Variants in NBN observed in about 807,000 individuals in gnomAD.
NBN encodes the protein Nijmegen breakage syndrome 1 (nibrin).
In NBN, 88 loss-of-function variants were observed where a neutral mutation model predicts 90.8. That is an observed-to-expected ratio of 0.97 (90% confidence interval 0.82 to 1.16). The LOEUF (loss-of-function observed/expected upper bound fraction) is 1.16, where lower values mean the gene tolerates loss of function less well. Among genes scored for constraint, NBN ranks in the 50% most tolerant of loss-of-function variants. The pLI is 0.00. For synonymous variants in NBN, 328 were observed against 295.1 expected (o/e 1.11, Z -1.14); for missense variants, 894 against 869.6 (o/e 1.03, Z -0.35).
intron 5 of NBN, among the ~76,000 whole-genome samples, chr8:89,972,468 C>T (rs774475474): frequency 2.6e-5 from 4 of 152,046 alleles, no homozygotes; most frequent in African/African-American, 9.7e-5. Context: ...TCTAAACAAC[C>T]GACTTTAAAA....
At chr8:89,971,631 A>C (rs1169753841) in intron 5 of NBN, among the ~76,000 whole-genome samples, 1 of 152,232 alleles carries the variant, frequency 6.6e-6, no homozygotes, top group African/African-American at 2.4e-5. Flanking sequence ...TCATCCATAA[A>C]GATCAAATTC....
intron 8 of NBN, among the ~76,000 whole-genome samples, chr8:89,963,185 G>A (rs1811079438): frequency 7.1e-6 from 1 of 140,430 alleles, no homozygotes; most frequent in Non-Finnish European, 1.6e-5. Flanking sequence ...TGGTCATTAG[G>A]CCGTAATGGC....
At chr8:89,975,997 A>C (rs1286301927) in intron 5 of NBN, among the ~76,000 whole-genome samples, 1 of 152,122 alleles carries the variant, frequency 6.6e-6, no homozygotes. Context: ...TCTTGAGGTG[A>C]GATCAGTGCT....
intron 14 of NBN, among the ~76,000 whole-genome samples, chr8:89,938,679 T>A (rs1320591561): frequency 1.3e-5 from 2 of 152,206 alleles, no homozygotes; most frequent in Non-Finnish European, 2.9e-5. Context: ...GCCTCAGGGC[T>A]TCTGAATCTC....
In NBN at chr8:89,947,894, TAAAG is replaced by T; in HGVS notation, c.1846-6_1846-3del. The T allele has an allele frequency of 1.3e-6, 2 of 1,529,274 alleles. No homozygotes were observed. The highest frequency in any genetic ancestry group is 1.8e-6 in the Non-Finnish European group (2 of 1,113,646). 94.7% of individuals were successfully genotyped at this position (1,529,274 alleles called of 1,614,324 possible). A position where few individuals can be genotyped will look rare whatever the true frequency, so the allele number is the denominator to read the frequency against. ...TTTCTTCCCAATTTCATTTTCTTGC[TAAAG>T]AAATAAAATAAAAAATACTGTTCAT... On this transcript the variant is annotated splice_region_variant and splice_polypyrimidine_tract_variant and intron_variant, in intron 11 of 15. Coordinates refer to ENST00000265433, the MANE Select transcript of NBN (RefSeq NM_002485.5).
At chr8:89,983,730 A>C in intron 1 of NBN, among the ~76,000 whole-genome samples, 1 of 152,164 alleles carries the variant, frequency 6.6e-6, no homozygotes, top group East Asian at 1.9e-4. Flanking sequence ...TGAGTCTGGG[A>C]GCATAATTTC....
At chr8:89,954,797 C>T (rs1346608828) in intron 10 of NBN, among the ~76,000 whole-genome samples, 3 of 151,496 alleles carry the variant, frequency 2.0e-5, no homozygotes, top group Non-Finnish European at 2.9e-5. Context: ...CTTAACGGGA[C>T]GGCACAAGAA....
rs1170844893 is a variant in NBN at position 89,933,496 on chromosome 8, G to C, written c.*2086C>G. 1.7e-5 allele frequency: 4 copies of C among 230,088 alleles called. No individual in the cohort carries two copies. Among genetic ancestry groups the C allele is most frequent in the Non-Finnish European group, 3.4e-5 (4 of 116,332 alleles). 14.3% of individuals were successfully genotyped at this position (230,088 alleles called of 1,614,324 possible). ...AACAGATCCACCATTATGGTTAATTGATTTTTTACTAATTGGCAAGGTAAT... is the reference window on the plus strand; with the variant it reads ...AACAGATCCACCATTATGGTTAATTCATTTTTTACTAATTGGCAAGGTAAT... On this transcript the variant is annotated 3_prime_UTR_variant, in exon 16 of 16. Transcript: ENST00000265433.
intron 7 of NBN, among the ~76,000 whole-genome samples, chr8:89,967,396 G>GT (rs780778145): frequency 4.8e-4 from 73 of 152,306 alleles, no homozygotes; most frequent in Middle Eastern, 6.8e-3. Flanking sequence ...GGGTAACCAC[G>GT]TAAGTTATTT....
intron 1 of NBN, chr8:89,984,286 G>C: frequency 3.3e-6 from 2 of 602,042 alleles, no homozygotes; most frequent in South Asian, 3.9e-5. Flanking sequence ...GAGGGGCGCG[G>C]AGGACTGCCA....
chr8:89,935,588 T>C lies in NBN; in HGVS notation c.2259A>G (p.Arg753=), dbSNP rs765391308. The C allele has an allele frequency of 6.2e-7, 1 of 1,609,984 alleles. No homozygotes were observed. Among genetic ancestry groups the C allele is most frequent in the Non-Finnish European group, 8.5e-7 (1 of 1,177,024 alleles). The change falls in exon 16 of 16, where the codon AGA becomes AGG. Residue 753 remains arginine (R), a synonymous_variant. Transcript: ENST00000265433. The part of the protein sequence containing the change: ...LFRYNPYLKR[R]R Reference sequence around the variant, plus strand: ...TTCTTTTTAAAATCCTCAGTTATCTTCTCCTTTTTAAATAAGGATTGTATC... The same window carrying C: ...TTCTTTTTAAAATCCTCAGTTATCTCCTCCTTTTTAAATAAGGATTGTATC...
chr8:89,964,166 G>T (rs1811130317), intron 8 of NBN, among the ~76,000 whole-genome samples: 1 of 152,118 alleles, frequency 6.6e-6, no homozygotes, highest in Admixed American at 6.6e-5. Flanking sequence ...ACTAAATCTT[G>T]ATCTTCAGAA....
Position 89,955,356 on chromosome 8 carries a change from T to C in NBN, c.1324A>G (p.Ser442Gly), listed in dbSNP as rs1554559097. The change falls in exon 10 of 16, where the codon AGT becomes GGT. Residue 442 changes from serine to glycine, a missense_variant. Ser to Gly is a moderately conservative substitution (Grantham distance 56). Coordinates refer to ENST00000265433, the MANE Select transcript of NBN (RefSeq NM_002485.5). ...SPTKLPSINK[S>G]KDRASQQQQT... ...TGCTGCTGAGAAGCCCTATCTTTAC[T>C]TTTATTTATACTTGGCAATTTAGTT... 1 of 1,613,850 alleles carries C rather than the reference T, an allele frequency of 6.2e-7. No homozygotes were observed.
chr8:89,946,041 A>T, intron 13 of NBN, 99 bp downstream of exon 13: 1 of 887,708 alleles, frequency 1.1e-6, no homozygotes, highest in Non-Finnish European at 1.8e-6. Context: ...AAGAAGTATC[A>T]GTTTTCAACA....
intron 11 of NBN, among the ~76,000 whole-genome samples, chr8:89,949,201 T>C (rs2280778): frequency 0.047 from 7,101 of 152,170 alleles, 234 homozygotes; most frequent in South Asian, 0.1. Flanking sequence ...TAAGTCCGAG[T>C]TGTCAAACCT....
intron 7 of NBN, among the ~76,000 whole-genome samples, chr8:89,969,216 C>T (rs1264692075): frequency 1.3e-5 from 2 of 152,216 alleles, no homozygotes; most frequent in African/African-American, 2.4e-5. Flanking sequence ...CTGGCTTCAA[C>T]AATGCTAAGA....
chr8:89,984,444 ACGCAGGAATCACC>A lies in NBN; in HGVS notation c.37+68_37+80del. The A allele has an allele frequency of 1.8e-5, 24 of 1,348,124 alleles. 1 individual carries two copies. The Middle Eastern group carries it at 1.1e-3, about 62-fold the overall frequency. The allele number at this position is 1,348,124 out of a possible 1,614,324, so 83.5% of individuals were successfully genotyped here. On this transcript the variant is annotated intron_variant, in intron 1 of 15. Transcript: ENST00000265433. ...GCGTCCCCGGGCAGGAACGGACGCG[ACGCAGGAATCACC>A]CGCAGGCCCTCCCCCGAGGCAGTCG...
At chr8:89,973,140 T>C (rs1811591292) in intron 5 of NBN, among the ~76,000 whole-genome samples, 1 of 152,206 alleles carries the variant, frequency 6.6e-6, no homozygotes, top group African/African-American at 2.4e-5. Flanking sequence ...CTAAGTGCCA[T>C]GAGGGCAGAA....
chr8:89,964,666 G>C (rs1421140803), intron 7 of NBN, 159 bp from the exon 8 acceptor site: 2 of 227,014 alleles, frequency 8.8e-6, no homozygotes, highest in African/African-American at 4.7e-5. Context: ...TTACTCGCTG[G>C]GGCACTGTTA....
Sources: allele counts gnomAD v4.1 joint callset (sites outside exome capture counted in the v4.1 genomes callset), GRCh38; gene constraint gnomAD v4.1.1; transcripts MANE v1.5; gene names NCBI Gene and HGNC (gene_info 2026-07-23, HGNC 2026-07-21).